Variants in NAPG observed in about 807,000 individuals in gnomAD.
The protein encoded by NAPG is NSF attachment protein gamma.
Under a neutral mutation model 48.4 loss-of-function variants are expected in NAPG, and 25 were observed. The observed-to-expected ratio is 0.52, with a 90% CI of 0.38 to 0.72. NAPG has a LOEUF of 0.72. Ranked by LOEUF, NAPG falls within the 30% of genes least tolerant of loss-of-function variation. NAPG has a pLI of 0.00. For synonymous variants in NAPG, 139 were observed against 127.2 expected, an observed-to-expected ratio of 1.09 and a Z score of -0.62; for missense variants, 359 against 372.5, an observed-to-expected ratio of 0.96 and a Z score of 0.30.
At chr18:10,549,531 A>G (rs1022049253) in intron 11 of NAPG, among the ~76,000 whole-genome samples, 2 of 152,264 alleles carry the variant, frequency 1.3e-5, no homozygotes, top group East Asian at 3.8e-4. Flanking sequence ...TCTAAGCCTC[A>G]GTTAATTCAT....
Position 10,534,824 on chromosome 18 carries a change from T to C in NAPG, c.258+328T>C, listed in dbSNP as rs969216919. ...TACTTTTGAGAAGGACATCTAAATG[T>C]AGTAAAATTTTATAAATATTAAAAA... On this transcript the variant is annotated intron_variant, in intron 5 of 11. Transcript: ENST00000322897. The surrounding 1 kb of genome is among the most constrained non-coding windows in gnomAD (Gnocchi z 5.0). 2.6e-5 allele frequency among the ~76,000 whole-genome samples: 4 copies of C among 152,256 alleles called. No individual in the cohort carries two copies. The highest frequency in any genetic ancestry group is 4.4e-5 in the Non-Finnish European group (3 of 68,040).
Position 10,543,304 on chromosome 18 carries a change from C to T in NAPG, c.506+2905C>T, listed in dbSNP as rs1186862698. 6.6e-6 allele frequency among the ~76,000 whole-genome samples: 1 copy of T among 152,042 alleles called. No individual in the cohort carries two copies. On this transcript the variant is annotated intron_variant, in intron 8 of 11. Coordinates refer to ENST00000322897, the MANE Select transcript of NAPG (RefSeq NM_003826.3). The surrounding 1 kb of genome is among the most constrained non-coding windows in gnomAD (Gnocchi z 4.4). The stretch of plus-strand genomic sequence containing the variant: ...AGCAAAGAAAAGAGCTGCTTCTCAC[C>T]AGTTGTCTGAGACAGTCACTAGATC...
At chr18:10,526,473 TGTG>T (rs2143079311) in intron 1 of NAPG, 3 of 367,892 alleles carry the variant, frequency 8.2e-6, no homozygotes, top group Non-Finnish European at 1.5e-5. Flanking sequence ...TCCTGAAGAT[TGTG>T]GTGGGGGCTG....
In NAPG at chr18:10,542,227, G is replaced by A. The variant is rs915100643; in HGVS notation, c.506+1828G>A. On this transcript the variant is annotated intron_variant, in intron 8 of 11. Coordinates refer to ENST00000322897, the MANE Select transcript of NAPG (RefSeq NM_003826.3). The surrounding 1 kb of genome is among the most constrained non-coding windows in gnomAD (Gnocchi z 4.5). ...TTTTATTCGTGACTTTGTTTTATTG[G>A]TTTTTTTTTTTTCTTTTTAGGAAAA... 6.9e-6 allele frequency among the ~76,000 whole-genome samples: 1 copy of A among 144,998 alleles called. No individual in the cohort carries two copies. The highest frequency in any genetic ancestry group is 2.5e-5 in the African/African-American group (1 of 39,822).
intron 2 of NAPG, among the ~76,000 whole-genome samples, chr18:10,531,109 A>G (rs16974725): frequency 0.14 from 20,729 of 152,072 alleles, 1,496 homozygotes; most frequent in East Asian, 0.24. Context: ...CGTTGCTTAT[A>G]TATTCTTTAA....
rs147258278 is a variant in NAPG, at chr18:10,535,776, A to C, written c.258+1280A>C. On this transcript the variant is annotated intron_variant, in intron 5 of 11. Transcript: ENST00000322897. Reference sequence around the variant, plus strand: ...ACTCTGTCTCAAAGTAATAATAATAATAGGAAAGTGTTTAAATAAATTATG... The same window carrying C: ...ACTCTGTCTCAAAGTAATAATAATACTAGGAAAGTGTTTAAATAAATTATG... Among the ~76,000 whole-genome samples the C allele has an allele frequency of 2.7e-3, 416 of 152,354 alleles. 2 individuals are homozygous for C. The highest frequency in any genetic ancestry group is 9.5e-3 in the African/African-American group (393 of 41,582).
In NAPG at chr18:10,544,050, T is replaced by C. The variant is rs1479036975; in HGVS notation, c.507-2276T>C. Among the ~76,000 whole-genome samples the C allele has an allele frequency of 6.6e-6, 1 of 152,256 alleles. No homozygotes were observed. Among genetic ancestry groups the C allele is most frequent in the Non-Finnish European group, 1.5e-5 (1 of 68,044 alleles). On this transcript the variant is annotated intron_variant, in intron 8 of 11. Transcript: ENST00000322897. This position sits in a 1 kb window ranked among gnomAD's most constrained non-coding sequence, Gnocchi z 5.1. ...TAAATATATGAAAAGTTTAAAATAC[T>C]GAGATTGCTAATAGAATGATATAAT... is the stretch of plus-strand genomic sequence containing the variant.
At chr18:10,536,057 C>T (rs2032025727) in intron 5 of NAPG, among the ~76,000 whole-genome samples, 2 of 152,132 alleles carry the variant, frequency 1.3e-5, no homozygotes, top group African/African-American at 2.4e-5. Context: ...AAGAAATGCT[C>T]AAACACTCTA....
chr18:10,551,476 T>C lies in NAPG; in HGVS notation c.*1256T>C, dbSNP rs142147425. On this transcript the variant is annotated 3_prime_UTR_variant, in exon 12 of 12. Transcript: ENST00000322897. ...CCAATATATTGATCCTTTATAGTTA[T>C]TTCCTAAAATGCTGTTTTCGAAACA... The C allele has an allele frequency of 3.9e-4, 59 of 152,364 alleles. No individual in the cohort carries two copies. Among genetic ancestry groups the C allele is most frequent in the African/African-American group, 1.4e-3 (58 of 41,590 alleles). The allele number at this position is 152,364 out of a possible 1,614,324, so 9.4% of individuals were successfully genotyped here.
intron 1 of NAPG, among the ~76,000 whole-genome samples, chr18:10,526,942 C>T (rs2143081430): frequency 6.6e-6 from 1 of 152,144 alleles, no homozygotes; most frequent in East Asian, 1.9e-4. Flanking sequence ...GCAATCCCAG[C>T]ACTTTGGGAG....
chr18:10,535,097 A>G (rs1267149193), intron 5 of NAPG, among the ~76,000 whole-genome samples: 5 of 152,248 alleles, frequency 3.3e-5, no homozygotes, highest in Admixed American at 2.6e-4. Context: ...TGGCAGTTGA[A>G]ATGAAGTATT....
At chr18:10,527,229 C>T (rs2031837356) in intron 1 of NAPG, among the ~76,000 whole-genome samples, 1 of 151,402 alleles carries the variant, frequency 6.6e-6, no homozygotes, top group South Asian at 2.1e-4. Flanking sequence ...CAGCATTGTG[C>T]TCTGTGGTGG....
intron 8 of NAPG, among the ~76,000 whole-genome samples, chr18:10,541,554 A>T (rs368165270): frequency 6.6e-6 from 1 of 152,162 alleles, no homozygotes; most frequent in East Asian, 1.9e-4. Flanking sequence ...GGTGATACCA[A>T]GGTTCTGACT....
Position 10,539,886 on chromosome 18 carries a change from G to T in NAPG, c.368+15G>T. The T allele has an allele frequency of 6.2e-7, 1 of 1,613,220 alleles. No individual in the cohort carries two copies. The highest frequency in any genetic ancestry group is 8.5e-7 in the Non-Finnish European group (1 of 1,179,256). On this transcript the variant is annotated intron_variant, in intron 6 of 11. Transcript: ENST00000322897. This position sits in a 1 kb window ranked among gnomAD's most constrained non-coding sequence, Gnocchi z 4.7. Reference sequence around the variant, plus strand: ...CGAGCTGGAAAGTGAGTGTGAGATGGACAAGTCTCTGCATAGAAGTCTTGT... The same window carrying T: ...CGAGCTGGAAAGTGAGTGTGAGATGTACAAGTCTCTGCATAGAAGTCTTGT...
At position 10,530,754 on chromosome 18, in the gene NAPG, GT is replaced by G. The variant is rs1414991729; in HGVS notation, c.57-9del. 2.6e-6 allele frequency: 4 copies of G among 1,527,888 alleles called. No individual in the cohort carries two copies. The highest frequency in any genetic ancestry group is 1.3e-5 in the South Asian group (1 of 78,882). 94.6% of individuals were successfully genotyped at this position (1,527,888 alleles called of 1,614,324 possible). ...GTGGTTGGTAACTCCTGTTAACTGT[GT>G]TTTTTTCATTCTAGCCTGAAAACTG... On this transcript the variant is annotated splice_polypyrimidine_tract_variant and intron_variant, in intron 1 of 11. Transcript: ENST00000322897.
chr18:10,533,985 A>G (rs1450166778), intron 4 of NAPG, among the ~76,000 whole-genome samples: 2 of 152,120 alleles, frequency 1.3e-5, no homozygotes, highest in African/African-American at 2.4e-5. Flanking sequence ...CGTCTCTACT[A>G]AAAATACAAA....
At chr18:10,541,154 C>T (rs1370975216) in intron 8 of NAPG, among the ~76,000 whole-genome samples, 1 of 152,180 alleles carries the variant, frequency 6.6e-6, no homozygotes, top group Non-Finnish European at 1.5e-5. Context: ...ACTGCAGATT[C>T]TGAAATACAA....
chr18:10,529,586 C>T (rs1234918921), intron 1 of NAPG, among the ~76,000 whole-genome samples: 3 of 152,156 alleles, frequency 2.0e-5, no homozygotes, highest in Non-Finnish European at 4.4e-5. Flanking sequence ...AACCTCTTCT[C>T]TACTAAAAAT....
chr18:10,527,544 G>C (rs1386853919), intron 1 of NAPG, among the ~76,000 whole-genome samples: 2 of 152,170 alleles, frequency 1.3e-5, no homozygotes, highest in African/African-American at 4.8e-5. Flanking sequence ...GTGGAATAGG[G>C]ACCACAAAAA....
Sources: gnomAD v4.1 joint callset for allele counts (sites outside exome capture counted in the v4.1 genomes callset) on GRCh38, gnomAD v4.1.1 for gene constraint, Gnocchi (gnomAD v3.1) non-coding constraint, MANE v1.5 for transcripts, NCBI Gene and HGNC (gene_info 2026-07-23, HGNC 2026-07-21) for gene names.